The following SPTBN2 variants were observed in gnomAD, a reference collection of about 807,000 sequenced individuals.
The protein encoded by SPTBN2 is spectrin beta, non-erythrocytic 2, also known as spectrin beta chain, non-erythrocytic 2.
In SPTBN2, 107 loss-of-function variants were observed where a neutral mutation model predicts 284.2. The observed-to-expected ratio is 0.38, with a 90% CI of 0.32 to 0.44. The LOEUF is 0.44. SPTBN2 is among the 20% of genes least tolerant of loss of function. SPTBN2 has a pLI of 1.00. For synonymous variants in SPTBN2, 1,289 were observed against 1,354.8 expected, an observed-to-expected ratio of 0.95 and a Z score of 1.07; for missense variants, 2,569 against 3,287.1, an observed-to-expected ratio of 0.78 and a Z score of 5.34.
Position 66,714,538 on chromosome 11 carries a change from C to T in SPTBN2, c.484-131G>A, listed in dbSNP as rs879924584. 5.0e-6 allele frequency: 4 copies of T among 793,290 alleles called. No homozygotes were observed. The Admixed American group carries it at 6.0e-5, about 12-fold the overall frequency. 49.1% of individuals were successfully genotyped at this position (793,290 alleles called of 1,614,324 possible). A position where few individuals can be genotyped will look rare whatever the true frequency, so the allele number is the denominator to read the frequency against. On this transcript the variant is annotated intron_variant, in intron 5 of 37. Coordinates refer to ENST00000533211, the MANE Select transcript of SPTBN2 (RefSeq NM_006946.4). Reference sequence around the variant, plus strand: ...GGGGTGGACAGGCATAGCCTGAGGTCCTTTCAACCTAGGCCAGGGACCACA... The same window carrying T: ...GGGGTGGACAGGCATAGCCTGAGGTTCTTTCAACCTAGGCCAGGGACCACA...
rs1403534311 is a variant in SPTBN2 at position 66,700,799 on chromosome 11, T to C, written c.3300A>G (p.Ala1100=). 1 of 1,601,148 alleles carries C rather than the reference T, an allele frequency of 6.2e-7. No homozygotes were observed. The highest frequency in any genetic ancestry group is 8.5e-7 in the Non-Finnish European group (1 of 1,179,788). The part of the protein sequence containing the change: ...SEEGPATLPE[A]EALLAQHAAL... ...CTGCATGTTGGGCCAGGAGGGCCTC[T>C]GCCTCAGGCAGGGTGGCCGGCCCTT... The change falls in exon 17 of 38, where the codon GCA becomes GCG. Residue 1100 remains alanine, a synonymous_variant. Transcript: ENST00000533211. The surrounding 1 kb of genome is among the most constrained non-coding windows in gnomAD (Gnocchi z 6.6).
intron 13 of SPTBN2, among the ~76,000 whole-genome samples, chr11:66,706,103 A>G (rs1259376810): frequency 1.3e-5 from 2 of 151,106 alleles, no homozygotes; most frequent in African/African-American, 4.9e-5. Context: ...AATCATCGAC[A>G]CCCTCCTGCC....
intron 21 of SPTBN2, among the ~76,000 whole-genome samples, chr11:66,695,558 C>T (rs1335743690): frequency 6.6e-6 from 1 of 152,134 alleles, no homozygotes; most frequent in Non-Finnish European, 1.5e-5. Flanking sequence ...CCACACCTGG[C>T]CATACCCCTT....
Position 66,685,787 on chromosome 11 carries a change from C to T in SPTBN2, c.*84G>A, listed in dbSNP as rs1353073930. 2 of 1,348,682 alleles carry T rather than the reference C, an allele frequency of 1.5e-6. No homozygotes were observed. Among genetic ancestry groups the T allele is most frequent in the Non-Finnish European group, 2.1e-6 (2 of 944,756 alleles). 83.5% of individuals were successfully genotyped at this position (1,348,682 alleles called of 1,614,324 possible). On this transcript the variant is annotated 3_prime_UTR_variant, in exon 38 of 38. Coordinates refer to ENST00000533211, the MANE Select transcript of SPTBN2 (RefSeq NM_006946.4). This position sits in a 1 kb window ranked among gnomAD's most constrained non-coding sequence, Gnocchi z 4.4. ...ACAGACCCTAGCAGCAGGCAGTTGT[C>T]CTGACAAGAGGGCGGTCCCTGTCGA...
rs1318618916 is a variant in SPTBN2 at position 66,685,585 on chromosome 11, C to T, written c.*286G>A. 1 of 444,428 alleles carries T rather than the reference C, an allele frequency of 2.3e-6. No homozygotes were observed. Among genetic ancestry groups the T allele is most frequent in the Non-Finnish European group, 4.2e-6 (1 of 237,994 alleles). The allele number at this position is 444,428 out of a possible 1,614,324, so 27.5% of individuals were successfully genotyped here. On this transcript the variant is annotated 3_prime_UTR_variant, in exon 38 of 38. Coordinates refer to ENST00000533211, the MANE Select transcript of SPTBN2 (RefSeq NM_006946.4). This position sits in a 1 kb window ranked among gnomAD's most constrained non-coding sequence, Gnocchi z 4.4. ...TGTTGAGGGTGCGGCACTGTCCACA[C>T]CGTGGTGAGGGACAGAGGCACGAGG...
intron 1 of SPTBN2, among the ~76,000 whole-genome samples, chr11:66,725,377 G>A (rs1007298979): frequency 1.3e-5 from 2 of 152,190 alleles, no homozygotes; most frequent in African/African-American, 2.4e-5. Context: ...TTCTCAGCTT[G>A]TGTCCCCTGC....
chr11:66,720,809 G>A (rs1013780812), intron 3 of SPTBN2, among the ~76,000 whole-genome samples: 7 of 152,140 alleles, frequency 4.6e-5, no homozygotes, highest in Non-Finnish European at 1.0e-4. Flanking sequence ...ATGACCCGGG[G>A]GCTGAGGCCA....
At chr11:66,725,667 T>C (rs1248583220) in intron 1 of SPTBN2, among the ~76,000 whole-genome samples, 10 of 152,320 alleles carry the variant, frequency 6.6e-5, no homozygotes, top group South Asian at 2.1e-4. Flanking sequence ...TTCTTAGCAA[T>C]TGACCTCAAG....
chr11:66,698,485 C>T (rs1319524213), intron 20 of SPTBN2, among the ~76,000 whole-genome samples, 154 bp downstream of exon 20: 1 of 152,202 alleles, frequency 6.6e-6, no homozygotes, highest in East Asian at 1.9e-4. Flanking sequence ...CCAACAAAGA[C>T]GTTTGTTTCC....
chr11:66,714,584 T>C (rs188213574), intron 5 of SPTBN2, among the ~76,000 whole-genome samples, 177 bp from the exon 6 acceptor site: 6 of 152,330 alleles, frequency 3.9e-5, no homozygotes, highest in Non-Finnish European at 5.9e-5. Flanking sequence ...TGCAAGGGAT[T>C]TGAGGCAGCA....
At chr11:66,699,967 C>CA (rs1554982146) in intron 17 of SPTBN2, among the ~76,000 whole-genome samples, 2 of 150,744 alleles carry the variant, frequency 1.3e-5, no homozygotes, top group Non-Finnish European at 3.0e-5. Context: ...TTTTCTTTTT[C>CA]TTTTTTTTGA....
upstream of SPTBN2, among the ~76,000 whole-genome samples, chr11:66,733,835 G>T (rs1590997673): frequency 6.6e-6 from 1 of 151,912 alleles, no homozygotes. Context: ...AAAATTAGCC[G>T]GGCGCGGTGG....
At chr11:66,732,960 T>C (rs1411950322), upstream of SPTBN2, among the ~76,000 whole-genome samples, 4 of 142,240 alleles carry the variant, frequency 2.8e-5, no homozygotes, top group African/African-American at 1.0e-4. Flanking sequence ...AGTGAGACTC[T>C]TTTTCAAAAA....
In SPTBN2 at chr11:66,691,443, C is replaced by T; in HGVS notation, c.5406G>A (p.Glu1802=). The T allele has an allele frequency of 6.2e-7, 1 of 1,612,018 alleles. No individual in the cohort carries two copies. Among genetic ancestry groups the T allele is most frequent in the Non-Finnish European group, 8.5e-7 (1 of 1,179,858 alleles). ...GTGCCCCGTGCAGGAAGCGCTGCAG[C>T]TCGTACGCCGCGGCCAGCACCTGAC... is the stretch of plus-strand genomic sequence containing the variant. ...TRGQVLAAAY[E]LQRFLHGARQ... Residue 1802 remains glutamate, a synonymous_variant, in exon 27 of 38, where the codon GAG becomes GAA. Transcript: ENST00000533211. The surrounding 1 kb of genome is among the most constrained non-coding windows in gnomAD (Gnocchi z 8.0).
chr11:66,716,221 T>C (rs959557950), intron 3 of SPTBN2, among the ~76,000 whole-genome samples: 7 of 152,190 alleles, frequency 4.6e-5, no homozygotes, highest in East Asian at 1.9e-4. Flanking sequence ...TGGTGGCTCA[T>C]GCCTGTAATC....
chr11:66,714,002 A>G (rs1402857136), intron 7 of SPTBN2, 89 bp downstream of exon 7: 3 of 1,345,024 alleles, frequency 2.2e-6, no homozygotes, highest in Non-Finnish European at 3.2e-6. Context: ...ACTGCTGTGC[A>G]GCTCATCTCA....
intron 16 of SPTBN2, 109 bp downstream of exon 16, chr11:66,701,475 C>T: frequency 6.3e-7 from 1 of 1,584,246 alleles, no homozygotes; most frequent in East Asian, 2.2e-5. Context: ...GACTGGTTTG[C>T]TTCCTCCTTT....
chr11:66,707,445 CGGA>C lies in SPTBN2; in HGVS notation c.1653+68_1653+70del, dbSNP rs1941619538. On this transcript the variant is annotated intron_variant, in intron 13 of 37. Coordinates refer to ENST00000533211, the MANE Select transcript of SPTBN2 (RefSeq NM_006946.4). This position sits in a 1 kb window ranked among gnomAD's most constrained non-coding sequence, Gnocchi z 4.9. ...CACAGAGATCGGCCGAGCAGACGGG[CGGA>C]CGCACCCACTGTGGGGCCCCCTCGA... 2.0e-6 allele frequency: 3 copies of C among 1,491,426 alleles called. No individual in the cohort carries two copies. The African/African-American group carries it at 4.2e-5, about 21-fold the overall frequency. The allele number at this position is 1,491,426 out of a possible 1,614,324, so 92.4% of individuals were successfully genotyped here.
At chr11:66,716,103 G>T in intron 3 of SPTBN2, 122 bp from the exon 4 acceptor site, 1 of 1,306,804 alleles carries the variant, frequency 7.7e-7, no homozygotes, top group Non-Finnish European at 1.1e-6. Context: ...CCTCTAAGGA[G>T]GAGGAAGGGA....
Sources: gnomAD v4.1 joint callset for allele counts (sites outside exome capture counted in the v4.1 genomes callset) on GRCh38, gnomAD v4.1.1 for gene constraint, Gnocchi (gnomAD v3.1) non-coding constraint, MANE v1.5 for transcripts, NCBI Gene and HGNC (gene_info 2026-07-23, HGNC 2026-07-21) for gene names.